Variants in CADPS2 observed in about 807,000 individuals in gnomAD.
CADPS2 encodes the protein calcium-dependent secretion activator 2.
In CADPS2, 93 loss-of-function variants were observed where a neutral mutation model predicts 172.5. The observed-to-expected ratio is 0.54, with a 90% CI of 0.46 to 0.64. The LOEUF is 0.64. Among genes scored for constraint, CADPS2 ranks in the 30% least tolerant of loss-of-function variants. CADPS2 has a pLI of 0.00. For missense variants in CADPS2, 1,420 were observed against 1,565.9 expected, an observed-to-expected ratio of 0.91 and a Z score of 1.57; for synonymous variants, 546 against 555.2, an observed-to-expected ratio of 0.98 and a Z score of 0.23.
chr7:122,382,975 C>G (rs940684771), intron 24 of CADPS2, among the ~76,000 whole-genome samples: 8 of 152,040 alleles, frequency 5.3e-5, no homozygotes, highest in African/African-American at 1.7e-4. Context: ...CAAAGGAACA[C>G]AGATCACTAA....
At chr7:122,432,673 A>T (rs2050117222) in intron 17 of CADPS2, among the ~76,000 whole-genome samples, 1 of 151,302 alleles carries the variant, frequency 6.6e-6, no homozygotes, top group Non-Finnish European at 1.5e-5. Flanking sequence ...AAAAAAAGAA[A>T]AGAAAACCTC....
intron 22 of CADPS2, among the ~76,000 whole-genome samples, chr7:122,390,350 T>C (rs1237874737): frequency 6.6e-6 from 1 of 151,930 alleles, no homozygotes; most frequent in East Asian, 1.9e-4. Flanking sequence ...ACAAACAAAA[T>C]CTCCCTTCAC....
At chr7:122,388,181 C>A (rs1231086987) in intron 23 of CADPS2, among the ~76,000 whole-genome samples, 1 of 151,960 alleles carries the variant, frequency 6.6e-6, no homozygotes. Flanking sequence ...TGGTGCTGAT[C>A]CTATTTTGAG....
chr7:122,759,586 T>C (rs1007529812), intron 1 of CADPS2, among the ~76,000 whole-genome samples: 29 of 152,154 alleles, frequency 1.9e-4, no homozygotes, highest in African/African-American at 6.5e-4. Context: ...TTGAATCTTC[T>C]GAACATTATG....
At chr7:122,352,237 T>C (rs2038776968) in intron 27 of CADPS2, among the ~76,000 whole-genome samples, 1 of 152,244 alleles carries the variant, frequency 6.6e-6, no homozygotes, top group African/African-American at 2.4e-5. Flanking sequence ...GCAATCATAA[T>C]GATGATGGTT....
At chr7:122,674,285 G>A (rs971015004) in intron 2 of CADPS2, among the ~76,000 whole-genome samples, 2 of 152,242 alleles carry the variant, frequency 1.3e-5, no homozygotes, top group African/African-American at 4.8e-5. Flanking sequence ...CCACAGCGCA[G>A]CGGTGGGCTG....
chr7:122,547,761 G>C (rs2063771864), intron 8 of CADPS2, among the ~76,000 whole-genome samples: 1 of 152,110 alleles, frequency 6.6e-6, no homozygotes, highest in Non-Finnish European at 1.5e-5. Flanking sequence ...GTTAAAAGTA[G>C]AATTGGAAGC....
intron 25 of CADPS2, among the ~76,000 whole-genome samples, chr7:122,361,283 G>C (rs2040109078): frequency 6.8e-6 from 1 of 147,030 alleles, no homozygotes; most frequent in African/African-American, 2.6e-5. Flanking sequence ...ACCCAGGCTG[G>C]AGTGCAGTGG....
intron 7 of CADPS2, among the ~76,000 whole-genome samples, chr7:122,575,733 G>C (rs747624069): frequency 2.0e-5 from 3 of 151,962 alleles, no homozygotes; most frequent in Non-Finnish European, 4.4e-5. Context: ...TACTGCACCT[G>C]GACAGAAATG....
intron 6 of CADPS2, among the ~76,000 whole-genome samples, chr7:122,614,279 C>G (rs1252653261): frequency 6.6e-6 from 1 of 151,976 alleles, no homozygotes; most frequent in Non-Finnish European, 1.5e-5. Flanking sequence ...TTTTCAACCC[C>G]CTAATACTCT....
chr7:122,738,346 C>A (rs1026948723), intron 1 of CADPS2, among the ~76,000 whole-genome samples: 3 of 151,658 alleles, frequency 2.0e-5, no homozygotes, highest in African/African-American at 7.3e-5. Flanking sequence ...ACTGTACACA[C>A]AGGGGCATGT....
In CADPS2 at chr7:122,820,621, G is replaced by A. The variant is rs202011469; in HGVS notation, c.339+65378C>T. Reference sequence around the variant, plus strand: ...GTCGCCCAGGCTGGAGTGCAGTGGCGCGATCTCGGCTCACTGCAAGCTCCG... The same window carrying A: ...GTCGCCCAGGCTGGAGTGCAGTGGCACGATCTCGGCTCACTGCAAGCTCCG... On this transcript the variant is annotated intron_variant, in intron 1 of 29. Transcript: ENST00000449022. Among the ~76,000 whole-genome samples, 21 of 121,280 alleles carry A rather than the reference G, an allele frequency of 1.7e-4. 1 individual carries two copies. Among genetic ancestry groups the A allele is most frequent in the African/African-American group, 4.6e-4 (14 of 30,370 alleles). 79.6% of individuals were successfully genotyped at this position (121,280 alleles called of 152,430 possible). A position where few individuals can be genotyped will look rare whatever the true frequency, so the allele number is the denominator to read the frequency against.
At position 122,707,798 on chromosome 7, in the gene CADPS2, TTATA is replaced by T. The variant is rs575778719; in HGVS notation, c.453+29153_453+29156del. On this transcript the variant is annotated intron_variant, in intron 2 of 29. Coordinates refer to ENST00000449022, the MANE Select transcript of CADPS2 (RefSeq NM_017954.11). Reference sequence around the variant, plus strand: ...TACTTTTACAATTTTTAATGTTTTCTTATATATATATATATGTTATTATTTGCAA... The same window carrying T: ...TACTTTTACAATTTTTAATGTTTTCTTATATATATATGTTATTATTTGCAA... Among the ~76,000 whole-genome samples the T allele has an allele frequency of 3.6e-3, 546 of 150,074 alleles. 2 individuals carry two copies. The highest frequency in any genetic ancestry group is 0.014 in the Middle Eastern group (4 of 290).
chr7:122,392,142 T>C (rs2044448119), intron 22 of CADPS2, among the ~76,000 whole-genome samples: 1 of 152,162 alleles, frequency 6.6e-6, no homozygotes. Context: ...TCATATGAGA[T>C]CTTGGGCAAA....
chr7:122,745,563 T>C (rs537305208), intron 1 of CADPS2, among the ~76,000 whole-genome samples: 1 of 151,050 alleles, frequency 6.6e-6, no homozygotes, highest in African/African-American at 2.4e-5. Flanking sequence ...AGTCTTTCCA[T>C]TAGAACAAAA....
At chr7:122,418,283 C>T (rs544764424) in intron 17 of CADPS2, among the ~76,000 whole-genome samples, 136 of 152,140 alleles carry the variant, frequency 8.9e-4, no homozygotes, top group Non-Finnish European at 1.7e-3. Flanking sequence ...GTTTTTTATT[C>T]ATGTAACTCA....
chr7:122,706,593 A>G (rs1281271611), intron 2 of CADPS2, among the ~76,000 whole-genome samples: 1 of 147,682 alleles, frequency 6.8e-6, no homozygotes, highest in Non-Finnish European at 1.5e-5. Flanking sequence ...ATATATATAT[A>G]TCACACACAC....
chr7:122,667,378 C>T (rs553981692), intron 2 of CADPS2, among the ~76,000 whole-genome samples: 1 of 152,270 alleles, frequency 6.6e-6, no homozygotes, highest in East Asian at 1.9e-4. Context: ...CTAGATTCCA[C>T]CAAGTAACCA....
At chr7:122,835,962 C>G (rs1808276879) in intron 1 of CADPS2, among the ~76,000 whole-genome samples, 1 of 151,986 alleles carries the variant, frequency 6.6e-6, no homozygotes, top group Admixed American at 6.5e-5. Flanking sequence ...AGAGCAACTC[C>G]AAGACACATA....
Sources: allele counts gnomAD v4.1 joint callset (sites outside exome capture counted in the v4.1 genomes callset), GRCh38; gene constraint gnomAD v4.1.1; transcripts MANE v1.5; gene names NCBI Gene and HGNC (gene_info 2026-07-23, HGNC 2026-07-21).